The following FGF1 variants were observed in gnomAD, a reference collection of about 807,000 sequenced individuals.
The protein encoded by FGF1 is fibroblast growth factor 1.
Under a neutral mutation model 13.4 loss-of-function variants are expected in FGF1, and 9 were observed. The ratio of observed to expected loss-of-function variants is 0.67; its 90% CI spans 0.40 to 1.17. FGF1 has a LOEUF of 1.17. FGF1 is among the 50% of genes most tolerant of loss of function. The pLI, the probability that FGF1 is intolerant of heterozygous loss-of-function variation, is 0.01. For missense variants in FGF1, 156 were observed against 192.7 expected (o/e 0.81, Z 1.13); for synonymous variants, 93 against 79.0 (o/e 1.18, Z -0.94).
intron 3 of FGF1, among the ~76,000 whole-genome samples, chr5:142,597,714 C>T (rs1014889382): frequency 1.1e-4 from 17 of 152,170 alleles, no homozygotes; most frequent in Admixed American, 5.9e-4. Flanking sequence ...CCCTGTCTGG[C>T]GGTTTCCAAT....
At chr5:142,683,810 A>G (rs1390102591) in intron 1 of FGF1, among the ~76,000 whole-genome samples, 1 of 131,764 alleles carries the variant, frequency 7.6e-6, no homozygotes, top group Non-Finnish European at 1.6e-5. Flanking sequence ...AACAAGAGTG[A>G]AACTCTGTCT....
intron 1 of FGF1, among the ~76,000 whole-genome samples, chr5:142,672,689 G>C (rs146353554): frequency 5.9e-5 from 9 of 152,038 alleles, no homozygotes; most frequent in African/African-American, 2.2e-4. Context: ...ATTTTTAGTA[G>C]AGATGGGGTT....
chr5:142,637,159 A>C (rs532284730), intron 1 of FGF1, among the ~76,000 whole-genome samples: 21 of 152,050 alleles, frequency 1.4e-4, no homozygotes, highest in African/African-American at 5.1e-4. Flanking sequence ...AGACAGTGGC[A>C]TTTAGCCAGC....
chr5:142,697,029 C>T (rs1561783897), intron 2 of FGF1, among the ~76,000 whole-genome samples: 1 of 152,092 alleles, frequency 6.6e-6, no homozygotes, highest in African/African-American at 2.4e-5. Context: ...TCTCTGAAGT[C>T]TGTGTACAGA....
chr5:142,624,314 A>G (rs1438859778), intron 1 of FGF1, among the ~76,000 whole-genome samples: 2 of 151,932 alleles, frequency 1.3e-5, no homozygotes, highest in Non-Finnish European at 2.9e-5. Context: ...CAATCCTCCC[A>G]CCTTGGCTTC....
chr5:142,635,162 C>T (rs1346876704), intron 1 of FGF1, among the ~76,000 whole-genome samples: 1 of 152,158 alleles, frequency 6.6e-6, no homozygotes, highest in Non-Finnish European at 1.5e-5. Flanking sequence ...CACTAACTTG[C>T]TGGGTGACTT....
intron 1 of FGF1, among the ~76,000 whole-genome samples, chr5:142,619,615 A>C (rs1346567774): frequency 3.2e-4 from 48 of 152,138 alleles, no homozygotes; most frequent in Non-Finnish European, 1.5e-5. Context: ...GGAATAAATA[A>C]AACTGTGCTT....
intron 1 of FGF1, among the ~76,000 whole-genome samples, chr5:142,653,738 T>A (rs1188637568): frequency 2.0e-5 from 3 of 152,180 alleles, no homozygotes; most frequent in Non-Finnish European, 1.5e-5. Context: ...ATTCTACTTT[T>A]ATTTTTGTAT....
chr5:142,674,318 G>A (rs929443192), intron 1 of FGF1, among the ~76,000 whole-genome samples: 2 of 152,292 alleles, frequency 1.3e-5, no homozygotes, highest in East Asian at 3.9e-4. Context: ...CAAGAGCATG[G>A]ATCGTATCTG....
intron 2 of FGF1, among the ~76,000 whole-genome samples, chr5:142,602,700 A>G (rs1756842304): frequency 6.6e-6 from 1 of 151,174 alleles, no homozygotes; most frequent in Admixed American, 6.6e-5. Context: ...TGTACTGAGC[A>G]CACAGTTCTG....
chr5:142,682,679 A>C (rs1773938005), intron 1 of FGF1, among the ~76,000 whole-genome samples: 1 of 152,226 alleles, frequency 6.6e-6, no homozygotes, highest in Non-Finnish European at 1.5e-5. Context: ...TAAAAAGGAA[A>C]GGGGAAAACA....
chr5:142,697,421 A>T (rs1753302109), intron 2 of FGF1, among the ~76,000 whole-genome samples: 2 of 152,158 alleles, frequency 1.3e-5, no homozygotes, highest in Non-Finnish European at 1.5e-5. Flanking sequence ...CTGGGAGTGA[A>T]TTGGCCTTTG....
intron 1 of FGF1, among the ~76,000 whole-genome samples, chr5:142,615,771 G>A (rs1015507389): frequency 5.9e-5 from 9 of 152,156 alleles, no homozygotes; most frequent in Admixed American, 2.0e-4. Context: ...GAGCTGAATC[G>A]CAAAAGGAGT....
At chr5:142,692,050 G>A (rs1046290624) in intron 2 of FGF1, among the ~76,000 whole-genome samples, 15 of 152,142 alleles carry the variant, frequency 9.9e-5, no homozygotes, top group Admixed American at 9.8e-4. Context: ...TAAAGTTTAG[G>A]CCAGGTGCAG....
Position 142,595,258 on chromosome 5 carries a change from T to G in FGF1, c.*32A>C. ...CCAGGTGAGGACCCCTCGAAACTTC[T>G]CTGGAGTGGTCAACACCCAGAACAG... On this transcript the variant is annotated 3_prime_UTR_variant, in exon 4 of 4. Coordinates refer to ENST00000337706, the MANE Select transcript of FGF1 (RefSeq NM_000800.5). The G allele has an allele frequency of 6.3e-7, 1 of 1,598,660 alleles. No individual in the cohort carries two copies. The highest frequency in any genetic ancestry group is 8.5e-7 in the Non-Finnish European group (1 of 1,171,640).
intron 1 of FGF1, among the ~76,000 whole-genome samples, chr5:142,665,106 G>T (rs1425180094): frequency 1.3e-5 from 2 of 152,168 alleles, no homozygotes; most frequent in Non-Finnish European, 2.9e-5. Flanking sequence ...TCTGAAGGCT[G>T]AAGTGGAGGA....
intron 2 of FGF1, among the ~76,000 whole-genome samples, 170 bp downstream of exon 2, chr5:142,613,789 T>C (rs533388850): frequency 1.3e-5 from 2 of 152,372 alleles, no homozygotes; most frequent in East Asian, 3.9e-4. Context: ...CAAGTCCCTA[T>C]TTTCTAAACC....
At chr5:142,675,720 G>C (rs1772435755) in intron 1 of FGF1, among the ~76,000 whole-genome samples, 1 of 152,170 alleles carries the variant, frequency 6.6e-6, no homozygotes, top group Non-Finnish European at 1.5e-5. Context: ...AACAAGGGAG[G>C]GTGGAGCATC....
chr5:142,607,744 A>G (rs918164363), intron 2 of FGF1, among the ~76,000 whole-genome samples: 3 of 152,180 alleles, frequency 2.0e-5, no homozygotes, highest in African/African-American at 7.2e-5. Context: ...CTACATGTCA[A>G]TGAAACTGAA....
Sources: allele counts gnomAD v4.1 joint callset (sites outside exome capture counted in the v4.1 genomes callset), GRCh38; gene constraint gnomAD v4.1.1; transcripts MANE v1.5; gene names NCBI Gene and HGNC (gene_info 2026-07-23, HGNC 2026-07-21).